Variants in SPMIP3 observed in about 807,000 individuals in gnomAD.
The protein encoded by SPMIP3 is sperm microtubule inner protein 3, also known as protein SPMIP3.
At chr1:244,362,295 G>A in the SPMIP3 span, among the ~76,000 whole-genome samples, 2,360 of 152,232 alleles carry the variant, frequency 0.016, 35 homozygotes, top group Non-Finnish European at 0.022. Context: ...TTGGCTGATG[G>A]TCTGGGTGCC....
At chr1:244,356,416 G>A in the SPMIP3 span, among the ~76,000 whole-genome samples, 2 of 152,178 alleles carry the variant, frequency 1.3e-5, no homozygotes, top group Admixed American at 6.5e-5. Context: ...AAAATCTACT[G>A]AGAAAGTTGA....
chr1:244,379,149 C>T, the SPMIP3 span, among the ~76,000 whole-genome samples: 3 of 151,564 alleles, frequency 2.0e-5, no homozygotes, highest in African/African-American at 7.3e-5. Context: ...GGGATGGTCT[C>T]GAACTCCTGA....
chr1:244,369,255 T>G, the SPMIP3 span, among the ~76,000 whole-genome samples: 2 of 152,266 alleles, frequency 1.3e-5, no homozygotes, highest in African/African-American at 4.8e-5. Context: ...GGTGTGGCAT[T>G]GGTTTGTGGA....
At chr1:244,367,998 T>C in the SPMIP3 span, among the ~76,000 whole-genome samples, 14 of 152,182 alleles carry the variant, frequency 9.2e-5, no homozygotes, top group Non-Finnish European at 1.5e-4. Context: ...TCTTGCGCTG[T>C]CACCCAGGCT....
chr1:244,379,242 T>G, the SPMIP3 span, among the ~76,000 whole-genome samples: 1 of 151,918 alleles, frequency 6.6e-6, no homozygotes, highest in Admixed American at 6.6e-5. Flanking sequence ...TTTTTTTTTT[T>G]TTAAATTAGA....
At chr1:244,364,756 G>A in the SPMIP3 span, 9 of 1,614,064 alleles carry the variant, frequency 5.6e-6, no homozygotes, top group Middle Eastern at 1.3e-3. Flanking sequence ...ATCCCGCCAA[G>A]GTATAGTTCT....
At chr1:244,356,396 T>C in the SPMIP3 span, among the ~76,000 whole-genome samples, 4 of 152,266 alleles carry the variant, frequency 2.6e-5, no homozygotes, top group Admixed American at 2.0e-4. Context: ...ACCCGTATTA[T>C]ATAATGCCAA....
At chr1:244,353,357 C>T in the SPMIP3 span, among the ~76,000 whole-genome samples, 1 of 152,094 alleles carries the variant, frequency 6.6e-6, no homozygotes, top group East Asian at 1.9e-4. Context: ...CCAGCCCGGG[C>T]AACGTAGCAA....
chr1:244,379,749 G>A, the SPMIP3 span, among the ~76,000 whole-genome samples: 1 of 152,096 alleles, frequency 6.6e-6, no homozygotes, highest in African/African-American at 2.4e-5. Flanking sequence ...GGAGGCCGAG[G>A]CAGGCGGATC....
the SPMIP3 span, among the ~76,000 whole-genome samples, chr1:244,372,591 C>T: frequency 6.6e-6 from 1 of 152,058 alleles, no homozygotes; most frequent in Non-Finnish European, 1.5e-5. Context: ...CTACAGGTGC[C>T]CGCCACCACA....
the SPMIP3 span, among the ~76,000 whole-genome samples, chr1:244,353,640 A>G: frequency 6.6e-6 from 1 of 152,268 alleles, no homozygotes; most frequent in South Asian, 2.1e-4. Context: ...GAGGCCTCCT[A>G]GGGAACGTAT....
chr1:244,386,861 C>G, the SPMIP3 span, among the ~76,000 whole-genome samples: 1 of 152,292 alleles, frequency 6.6e-6, no homozygotes, highest in African/African-American at 2.4e-5. Flanking sequence ...GGAGTCTGTT[C>G]TGTGTCAGAT....
At chr1:244,365,256 T>G in the SPMIP3 span, among the ~76,000 whole-genome samples, 1 of 152,244 alleles carries the variant, frequency 6.6e-6, no homozygotes, top group Non-Finnish European at 1.5e-5. Context: ...TGATATGATT[T>G]GGTTGTGTCT....
chr1:244,374,257 T>C, the SPMIP3 span, among the ~76,000 whole-genome samples: 276 of 152,180 alleles, frequency 1.8e-3, 3 homozygotes, highest in African/African-American at 6.5e-3. Flanking sequence ...CTTCTTACGT[T>C]CACCCCACAG....
chr1:244,367,200 GA>G, the SPMIP3 span, among the ~76,000 whole-genome samples: 1 of 152,192 alleles, frequency 6.6e-6, no homozygotes, highest in Non-Finnish European at 1.5e-5. Context: ...GTAGAGGCAG[GA>G]GAAGTTCCCG....
At chr1:244,388,584 C>A in the SPMIP3 span, among the ~76,000 whole-genome samples, 9 of 151,910 alleles carry the variant, frequency 5.9e-5, no homozygotes, top group Admixed American at 5.9e-4. Context: ...AACAAAGAAA[C>A]CTCTGAAAAA....
chr1:244,388,681 G>A, the SPMIP3 span, among the ~76,000 whole-genome samples: 3 of 152,140 alleles, frequency 2.0e-5, no homozygotes, highest in South Asian at 2.1e-4. Context: ...AGGTTTGGGG[G>A]TACAGAATGA....
the SPMIP3 span, among the ~76,000 whole-genome samples, chr1:244,377,807 T>C: frequency 3.3e-5 from 5 of 152,136 alleles, no homozygotes; most frequent in African/African-American, 1.2e-4. Flanking sequence ...ACCAGTTGTA[T>C]TGATTCCTAT....
At chr1:244,380,123 C>CTTTTTT in the SPMIP3 span, among the ~76,000 whole-genome samples, 60 of 115,520 alleles carry the variant, frequency 5.2e-4, no homozygotes, top group Non-Finnish European at 6.9e-4. Context: ...CAGAGTTTTT[C>CTTTTTT]TTTTTTTTTT....
Sources: allele counts gnomAD v4.1 joint callset (sites outside exome capture counted in the v4.1 genomes callset), GRCh38; gene constraint gnomAD v4.1.1; transcripts MANE v1.5; gene names NCBI Gene and HGNC (gene_info 2026-07-23, HGNC 2026-07-21).